XPO7: variants seen among roughly 807,000 people sequenced by gnomAD.
The protein encoded by XPO7 is exportin-7.
XPO7 carries 21 observed loss-of-function variants against 144.3 expected under a neutral mutation model. The ratio of observed to expected loss-of-function variants is 0.15; its 90% confidence interval spans 0.10 to 0.21. The LOEUF is 0.21. XPO7 is among the 10% of genes least tolerant of loss of function. XPO7 has a pLI of 1.00. For missense variants in XPO7, 808 were observed against 1,325.8 expected, an observed-to-expected ratio of 0.61 and a Z score of 6.06; for synonymous variants, 580 against 499.6, an observed-to-expected ratio of 1.16 and a Z score of -2.15.
At chr8:21,981,354 C>T (rs1050326178) in intron 9 of XPO7, among the ~76,000 whole-genome samples, 1 of 152,238 alleles carries the variant, frequency 6.6e-6, no homozygotes, top group East Asian at 1.9e-4. Flanking sequence ...CATTAGATTT[C>T]CTTTGATTGG....
intron 1 of XPO7, among the ~76,000 whole-genome samples, chr8:21,961,044 T>G (rs1811710180): frequency 6.6e-6 from 1 of 152,148 alleles, no homozygotes; most frequent in Non-Finnish European, 1.5e-5. Flanking sequence ...CATGCCTGGG[T>G]AACCAGCACA....
chr8:21,943,807 TAAAC>T (rs1340857947), intron 1 of XPO7, among the ~76,000 whole-genome samples: 1 of 152,198 alleles, frequency 6.6e-6, no homozygotes, highest in Non-Finnish European at 1.5e-5. Flanking sequence ...ATAATCTTAT[TAAAC>T]AAAGAGAAAA....
At position 21,984,706 on chromosome 8, in the gene XPO7, G is replaced by C; in HGVS notation, c.1338G>C (p.Leu446=). The change falls in exon 12 of 28, where the codon CTG becomes CTC. Residue 446 remains leucine, a synonymous_variant. Coordinates refer to ENST00000252512, the MANE Select transcript of XPO7 (RefSeq NM_015024.5). The part of the protein sequence containing the change: ...TGLVQQQLDQ[L]STIGRCEYEK... ...TGGTCCAGCAGCAGTTGGACCAGCT[G>C]TCCACCATTGGGCGTTGTGAATATG... is the stretch of plus-strand genomic sequence containing the variant. The C allele has an allele frequency of 6.2e-7, 1 of 1,613,988 alleles. No homozygotes were observed. Among genetic ancestry groups the C allele is most frequent in the Non-Finnish European group, 8.5e-7 (1 of 1,179,892 alleles).
Position 21,980,181 on chromosome 8 carries a change from A to G in XPO7, c.935A>G (p.Lys312Arg), listed in dbSNP as rs188449876. 1 of 1,598,492 alleles carries G rather than the reference A, an allele frequency of 6.3e-7. No homozygotes were observed. Among genetic ancestry groups the G allele is most frequent in the Non-Finnish European group, 8.5e-7 (1 of 1,171,642 alleles). Residue 312 changes from lysine (K) to arginine (R), a missense_variant, in exon 9 of 28, where the codon AAA (lysine) becomes AGA (arginine). Coordinates refer to ENST00000252512, the MANE Select transcript of XPO7 (RefSeq NM_015024.5). ...KFLSHLVDGV[K>R]RILENPQSLS... The stretch of plus-strand genomic sequence containing the variant: ...CTCTCTCATCTTGTTGATGGTGTTA[A>G]ACGAATACTGGAAAACCCACAGGTA...
At chr8:21,990,145 G>A (rs1585474636) in intron 16 of XPO7, among the ~76,000 whole-genome samples, 199 bp from the exon 17 acceptor site, 1 of 152,048 alleles carries the variant, frequency 6.6e-6, no homozygotes, top group African/African-American at 2.4e-5. Context: ...CACCGCGCCC[G>A]GCCAGTATAG....
intron 13 of XPO7, 59 bp from the exon 14 acceptor site, chr8:21,987,082 T>C (rs1812602946): frequency 1.2e-6 from 2 of 1,607,216 alleles, no homozygotes; most frequent in African/African-American, 2.7e-5. Context: ...ATAGCTTGGG[T>C]TGTCTAGAGT....
intron 1 of XPO7, among the ~76,000 whole-genome samples, chr8:21,933,096 A>AT (rs34592897): frequency 0.029 from 3,163 of 110,720 alleles, 72 homozygotes; most frequent in Admixed American, 0.043. Flanking sequence ...CTTTTGCTGG[A>AT]TTTTTTTTTT....
At chr8:21,955,408 A>G (rs557245339) in intron 1 of XPO7, among the ~76,000 whole-genome samples, 31 of 152,322 alleles carry the variant, frequency 2.0e-4, no homozygotes, top group African/African-American at 7.2e-4. Context: ...GTGTTTGTCA[A>G]TTGAGGGCTT....
At chr8:21,963,376 C>T (rs1256225837) in intron 1 of XPO7, among the ~76,000 whole-genome samples, 1 of 152,120 alleles carries the variant, frequency 6.6e-6, no homozygotes, top group African/African-American at 2.4e-5. Context: ...ACTCTCCATG[C>T]GGATTTTTTA....
At chr8:21,954,739 T>C (rs1811481381) in intron 1 of XPO7, among the ~76,000 whole-genome samples, 1 of 152,220 alleles carries the variant, frequency 6.6e-6, no homozygotes, top group African/African-American at 2.4e-5. Context: ...TAAATAGCTC[T>C]TGGAAACCAG....
rs200342709 is a variant in XPO7, at chr8:21,946,597, A to C, written c.19-20260A>C. Among the ~76,000 whole-genome samples, 14 of 150,930 alleles carry C rather than the reference A, an allele frequency of 9.3e-5. No individual in the cohort carries two copies. The East Asian group carries it at 9.7e-4, about 10-fold the overall frequency. ...CTGAAAAAAAAAAACAAAAAAAAAA[A>C]ACATGAATCTAAGTTAAAGAAGTTC... On this transcript the variant is annotated intron_variant, in intron 1 of 27. Transcript: ENST00000252512.
At chr8:21,936,049 A>G (rs1021052732) in intron 1 of XPO7, among the ~76,000 whole-genome samples, 10 of 152,186 alleles carry the variant, frequency 6.6e-5, no homozygotes, top group African/African-American at 2.2e-4. Flanking sequence ...TAAAATAACA[A>G]CAGTATTTAT....
At chr8:21,952,000 T>C (rs1400266974) in intron 1 of XPO7, among the ~76,000 whole-genome samples, 2 of 152,150 alleles carry the variant, frequency 1.3e-5, no homozygotes, top group South Asian at 2.1e-4. Flanking sequence ...CATCCCCACA[T>C]TGTGCAAAAA....
intron 1 of XPO7, among the ~76,000 whole-genome samples, chr8:21,940,361 A>G (rs953285452): frequency 2.0e-5 from 3 of 152,242 alleles, no homozygotes; most frequent in South Asian, 2.1e-4. Context: ...TGAAAAAGAA[A>G]TGATAGAATT....
chr8:21,950,991 G>A (rs1488008684), intron 1 of XPO7, among the ~76,000 whole-genome samples: 2 of 151,926 alleles, frequency 1.3e-5, no homozygotes, highest in South Asian at 2.1e-4. Flanking sequence ...AGTTGGGCGC[G>A]GTAGTGCATG....
chr8:21,974,732 A>G lies in XPO7; in HGVS notation c.555A>G (p.Ser185=), dbSNP rs1336978158. Residue 185 remains serine (S), a synonymous_variant, in exon 6 of 28, where the codon TCA becomes TCG. Coordinates refer to ENST00000252512, the MANE Select transcript of XPO7 (RefSeq NM_015024.5). ...TAGCCTCTTCTTTTCGCGATTCATC[A>G]TTATTTGATATCTTCACACTTTCCT... ...RKIASSFRDS[S]LFDIFTLSCN... The G allele has an allele frequency of 1.9e-6, 3 of 1,586,784 alleles. No homozygotes were observed. The highest frequency in any genetic ancestry group is 1.7e-6 in the Non-Finnish European group (2 of 1,165,654).
intron 1 of XPO7, among the ~76,000 whole-genome samples, chr8:21,945,812 C>A (rs988852960): frequency 2.0e-5 from 3 of 152,174 alleles, no homozygotes; most frequent in African/African-American, 7.2e-5. Context: ...AATGCATTGA[C>A]AAGCTTGCAA....
intron 1 of XPO7, among the ~76,000 whole-genome samples, chr8:21,920,555 C>G (rs186745694): frequency 1.3e-5 from 2 of 152,114 alleles, no homozygotes; most frequent in Non-Finnish European, 2.9e-5. Context: ...GGGTCTTGAT[C>G]CGGCTCAAGA....
rs1485851622 is a variant in XPO7, at chr8:21,999,102, C to G, written c.2440C>G (p.Leu814Val). The G allele has an allele frequency of 2.5e-6, 4 of 1,613,842 alleles. No individual in the cohort carries two copies. The highest frequency in any genetic ancestry group is 3.4e-6 in the Non-Finnish European group (4 of 1,179,898). The change falls in exon 23 of 28, where the codon CTG becomes GTG. Residue 814 changes from leucine (L) to valine (V), a missense_variant. By Grantham distance (32) the Leu-to-Val change is conservative. This residue lies in a region of XPO7 where 416 missense variants were observed against 612.5 expected (regional missense o/e 0.68). Coordinates refer to ENST00000252512, the MANE Select transcript of XPO7 (RefSeq NM_015024.5). Reference sequence around the variant, plus strand: ...ACATGTCTACTCAGGCAATCGCATCCTGACACTAGGAGAGGTCCCAAAGGA... The same window carrying G: ...ACATGTCTACTCAGGCAATCGCATCGTGACACTAGGAGAGGTCCCAAAGGA... The part of the protein sequence containing the change: ...KMITMYGNRI[L>V]TLGEVPKDQV...
Sources: gnomAD v4.1 joint callset for allele counts (sites outside exome capture counted in the v4.1 genomes callset) on GRCh38, gnomAD v4.1.1 for gene constraint, gnomAD v4.1.1 regional missense constraint, MANE v1.5 for transcripts, NCBI Gene and HGNC (gene_info 2026-07-23, HGNC 2026-07-21) for gene names.